SAMD13: variants seen among roughly 807,000 people sequenced by gnomAD.
SAMD13 encodes the protein sterile alpha motif domain-containing protein 13.
In SAMD13, 9 loss-of-function variants were observed where a neutral mutation model predicts 12.4. The observed-to-expected ratio is 0.72, with a 90% CI of 0.44 to 1.26. The LOEUF (loss-of-function observed/expected upper bound fraction) is 1.26. Among genes scored for constraint, SAMD13 ranks in the 50% most tolerant of loss-of-function variants. SAMD13 has a pLI of 0.00. For missense variants in SAMD13, 84 were observed against 119.6 expected, an observed-to-expected ratio of 0.70 and a Z score of 1.39; for synonymous variants, 46 against 45.4, an observed-to-expected ratio of 1.01 and a Z score of -0.05.
At chr1:84,346,255 A>T (rs1679531955) in intron 3 of SAMD13, among the ~76,000 whole-genome samples, 1 of 152,092 alleles carries the variant, frequency 6.6e-6, no homozygotes, top group South Asian at 2.1e-4. Flanking sequence ...TATGAATCCT[A>T]CTCATTTATT....
intron 2 of SAMD13, among the ~76,000 whole-genome samples, chr1:84,306,859 T>C (rs11584579): frequency 0.28 from 41,258 of 145,444 alleles, 6,887 homozygotes; most frequent in Non-Finnish European, 0.38. Context: ...AATAATAAAA[T>C]AAAATAAGAA....
At chr1:84,343,098 GA>G (rs917111113) in intron 3 of SAMD13, among the ~76,000 whole-genome samples, 1 of 152,010 alleles carries the variant, frequency 6.6e-6, no homozygotes, top group African/African-American at 2.4e-5. Flanking sequence ...CAAGAAACAT[GA>G]AAAAAACTCA....
chr1:84,320,086 C>T (rs922837852), intron 2 of SAMD13, among the ~76,000 whole-genome samples: 1 of 152,180 alleles, frequency 6.6e-6, no homozygotes, highest in Admixed American at 6.5e-5. Context: ...CCGAGATTAT[C>T]GTCTTCATTA....
intron 3 of SAMD13, chr1:84,344,708 C>T (rs1679497872): frequency 2.8e-6 from 1 of 359,262 alleles, no homozygotes; most frequent in South Asian, 2.2e-5. Flanking sequence ...ACTAGGTGTG[C>T]CTCAAAATGC....
intron 3 of SAMD13, 147 bp from the exon 4 acceptor site, chr1:84,349,484 A>AT: frequency 7.3e-7 from 1 of 1,361,972 alleles, no homozygotes; most frequent in Non-Finnish European, 9.8e-7. Flanking sequence ...AGAGGATTGC[A>AT]TTTTTTCCAT....
chr1:84,310,948 T>C (rs545298081), intron 2 of SAMD13, among the ~76,000 whole-genome samples: 2 of 152,178 alleles, frequency 1.3e-5, no homozygotes, highest in African/African-American at 4.8e-5. Flanking sequence ...TTTAGCTAGG[T>C]CACAAGTCAG....
In SAMD13 at chr1:84,328,557, A is replaced by G. The variant is rs1679108584; in HGVS notation, c.165+2809A>G. 3.3e-5 allele frequency among the ~76,000 whole-genome samples: 5 copies of G among 152,136 alleles called. No homozygotes were observed. The South Asian group carries it at 1.0e-3, about 31-fold the overall frequency. ...AGGACTGGAGGGCAGGGAGGGAATC[A>G]CTGGCCAGGCTTAGGATGGTAAGAT... On this transcript the variant is annotated intron_variant, in intron 3 of 3. Transcript: ENST00000394834.
chr1:84,321,246 A>T (rs987008769), intron 2 of SAMD13, among the ~76,000 whole-genome samples: 1 of 152,164 alleles, frequency 6.6e-6, no homozygotes, highest in African/African-American at 2.4e-5. Context: ...TTTTATCAAT[A>T]CTTGATGTAC....
intron 2 of SAMD13, among the ~76,000 whole-genome samples, chr1:84,305,503 A>G (rs1490473460): frequency 6.6e-6 from 1 of 152,120 alleles, no homozygotes; most frequent in African/African-American, 2.4e-5. Flanking sequence ...TTAAATTTTA[A>G]TGAAGTCTAG....
chr1:84,338,795 A>G lies in SAMD13; in HGVS notation c.166-10836A>G, dbSNP rs139251819. 6.4e-3 allele frequency among the ~76,000 whole-genome samples: 971 copies of G among 152,122 alleles called. 13 individuals carry two copies. Among genetic ancestry groups the G allele is most frequent in the African/African-American group, 0.022 (931 of 41,504 alleles). ...CTGAGACTTATTCACTATCCTGAGA[A>G]CAGCATGGGAAAGACCTGCCCCCAT... is the stretch of plus-strand genomic sequence containing the variant. On this transcript the variant is annotated intron_variant, in intron 3 of 3. Transcript: ENST00000394834.
chr1:84,325,413 G>T (rs1251088127), intron 2 of SAMD13, among the ~76,000 whole-genome samples: 1 of 152,168 alleles, frequency 6.6e-6, no homozygotes, highest in African/African-American at 2.4e-5. Flanking sequence ...ACTCTGGGCT[G>T]CCAGCAGTCA....
rs1678458188 is a variant in SAMD13, at chr1:84,301,767, G to A, written c.-67G>A. On this transcript the variant is annotated 5_prime_UTR_variant, in exon 1 of 4. Coordinates refer to ENST00000394834, the MANE Select transcript of SAMD13 (RefSeq NM_001134663.2). ...GGGTTTCTTTGGCTGTTCTTGATAA[G>A]CCTATAAAAAATGATATTTTTTAGT... 1.0e-6 allele frequency: 1 copy of A among 985,202 alleles called. No homozygotes were observed. The highest frequency in any genetic ancestry group is 1.2e-6 in the Non-Finnish European group (1 of 829,894). 61.0% of individuals were successfully genotyped at this position (985,202 alleles called of 1,614,324 possible).
Position 84,301,744 on chromosome 1 carries a change from G to A in SAMD13, c.-90G>A, listed in dbSNP as rs1430200537. 1 of 985,170 alleles carries A rather than the reference G, an allele frequency of 1.0e-6. No individual in the cohort carries two copies. The highest frequency in any genetic ancestry group is 1.2e-6 in the Non-Finnish European group (1 of 829,902). The allele number at this position is 985,170 out of a possible 1,614,324, so 61.0% of individuals were successfully genotyped here. On this transcript the variant is annotated 5_prime_UTR_variant, in exon 1 of 4. Transcript: ENST00000394834. ...CTACTTTGTGAAAGAAAACATTGGG[G>A]TTTCTTTGGCTGTTCTTGATAAGCC... is the stretch of plus-strand genomic sequence containing the variant.
intron 2 of SAMD13, among the ~76,000 whole-genome samples, chr1:84,321,953 C>T (rs750041483): frequency 2.6e-5 from 4 of 152,120 alleles, no homozygotes; most frequent in Non-Finnish European, 4.4e-5. Flanking sequence ...GGTTTATGCC[C>T]GTGGAGACGT....
Position 84,303,225 on chromosome 1 carries a change from C to T in SAMD13, c.-10C>T. The stretch of plus-strand genomic sequence containing the variant: ...TAGTTGCTGAAGTAAAGGAACCCTG[C>T]AGCCTTCCCATGCTATCTGTTGACA... On this transcript the variant is annotated 5_prime_UTR_variant, in exon 2 of 4. Transcript: ENST00000394834. 1 of 1,612,782 alleles carries T rather than the reference C, an allele frequency of 6.2e-7. No individual in the cohort carries two copies. The highest frequency in any genetic ancestry group is 1.1e-5 in the South Asian group (1 of 91,050).
intron 2 of SAMD13, among the ~76,000 whole-genome samples, chr1:84,306,476 C>T (rs1279429096): frequency 6.6e-6 from 1 of 151,784 alleles, no homozygotes; most frequent in Non-Finnish European, 1.5e-5. Flanking sequence ...TCCTTTATTA[C>T]ACTGAGTAGA....
At chr1:84,313,070 T>C (rs1678749841) in intron 2 of SAMD13, among the ~76,000 whole-genome samples, 1 of 152,136 alleles carries the variant, frequency 6.6e-6, no homozygotes, top group Non-Finnish European at 1.5e-5. Context: ...GCTACCTAAA[T>C]AACTAAGATG....
chr1:84,309,021 A>C (rs1432508313), intron 2 of SAMD13, among the ~76,000 whole-genome samples: 1 of 152,222 alleles, frequency 6.6e-6, no homozygotes, highest in Non-Finnish European at 1.5e-5. Flanking sequence ...TCTTAAATAT[A>C]AAATATAGAG....
At chr1:84,313,312 G>A (rs1411609939) in intron 2 of SAMD13, among the ~76,000 whole-genome samples, 1 of 152,038 alleles carries the variant, frequency 6.6e-6, no homozygotes, top group Non-Finnish European at 1.5e-5. Context: ...GATTTCAGAT[G>A]CACAGATTTG....
Sources: gnomAD v4.1 joint callset for allele counts (sites outside exome capture counted in the v4.1 genomes callset) on GRCh38, gnomAD v4.1.1 for gene constraint, MANE v1.5 for transcripts, NCBI Gene and HGNC (gene_info 2026-07-23, HGNC 2026-07-21) for gene names.